URI1: variants seen among roughly 807,000 people sequenced by gnomAD.
URI1 encodes the protein URI1 prefoldin like chaperone.
A neutral mutation model predicts 60.2 loss-of-function variants in URI1; 39 were observed. That is an observed-to-expected ratio of 0.65 (90% CI 0.50 to 0.85). URI1 has a LOEUF of 0.85. URI1 is among the 40% of genes least tolerant of loss of function. The pLI is 0.00. For synonymous variants in URI1, 251 were observed against 236.8 expected (o/e 1.06, Z -0.55); for missense variants, 691 against 665.9 (o/e 1.04, Z -0.42).
At position 30,011,252 on chromosome 19, in the gene URI1, A is replaced by G; in HGVS notation, c.1178+16A>G. On this transcript the variant is annotated intron_variant, in intron 9 of 10. Transcript: ENST00000392271. Reference sequence around the variant, plus strand: ...ACATTTACAGGTGGGAGGCGCTCACAGCTGCAGGGCAGTCTGCTGGGCTTG... The same window carrying G: ...ACATTTACAGGTGGGAGGCGCTCACGGCTGCAGGGCAGTCTGCTGGGCTTG... The G allele has an allele frequency of 6.3e-7, 1 of 1,590,732 alleles. No homozygotes were observed. Among genetic ancestry groups the G allele is most frequent in the Non-Finnish European group, 8.5e-7 (1 of 1,172,560 alleles).
intron 1 of URI1, among the ~76,000 whole-genome samples, chr19:29,963,027 C>T (rs934799435): frequency 6.6e-6 from 1 of 152,178 alleles, no homozygotes; most frequent in Non-Finnish European, 1.5e-5. Context: ...CCTCCGCCTA[C>T]CCCCAGCTGC....
Position 30,015,716 on chromosome 19 carries a change from G to C in URI1, c.*647G>C. The C allele has an allele frequency of 1.2e-6, 1 of 831,144 alleles. No individual in the cohort carries two copies. Among genetic ancestry groups the C allele is most frequent in the South Asian group, 1.8e-5 (1 of 55,310 alleles). 51.5% of individuals were successfully genotyped at this position (831,144 alleles called of 1,614,324 possible). On this transcript the variant is annotated 3_prime_UTR_variant, in exon 11 of 11. Coordinates refer to ENST00000392271, the MANE Select transcript of URI1 (RefSeq NM_003796.3). The stretch of plus-strand genomic sequence containing the variant: ...TGAAACTTGGTCTCAAAAATGTTGT[G>C]AACTTTATGATTCAAAATTGAGTAC...
At chr19:29,924,741 C>T (rs544287118) in intron 1 of URI1, among the ~76,000 whole-genome samples, 29 of 152,240 alleles carry the variant, frequency 1.9e-4, no homozygotes, top group Non-Finnish European at 4.0e-4. Flanking sequence ...CTGTGAGAGC[C>T]GGGGTGGGGC....
At chr19:29,934,579 A>C (rs1599648844) in intron 1 of URI1, among the ~76,000 whole-genome samples, 1 of 152,196 alleles carries the variant, frequency 6.6e-6, no homozygotes, top group African/African-American at 2.4e-5. Context: ...TCTGTAGCCC[A>C]GGCTGTAGTG....
chr19:30,015,624 G>A lies in URI1; in HGVS notation c.*555G>A. 6.8e-7 allele frequency: 1 copy of A among 1,479,718 alleles called. No homozygotes were observed. Among genetic ancestry groups the A allele is most frequent in the Non-Finnish European group, 9.0e-7 (1 of 1,113,656 alleles). 91.7% of individuals were successfully genotyped at this position (1,479,718 alleles called of 1,614,324 possible). A position where few individuals can be genotyped will look rare whatever the true frequency, so the allele number is the denominator to read the frequency against. On this transcript the variant is annotated 3_prime_UTR_variant, in exon 11 of 11. Transcript: ENST00000392271. ...AGGAAGAAAGCTACATGAATTAATT[G>A]TACTCTATGGGAAAATTTCTTTGGA...
Position 30,015,703 on chromosome 19 carries a change from T to A in URI1, c.*634T>A. ...AGTAAAAACTTTATGAAACTTGGTC[T>A]CAAAAATGTTGTGAACTTTATGATT... On this transcript the variant is annotated 3_prime_UTR_variant, in exon 11 of 11. Coordinates refer to ENST00000392271, the MANE Select transcript of URI1 (RefSeq NM_003796.3). 1.0e-6 allele frequency: 1 copy of A among 973,082 alleles called. No homozygotes were observed. Among genetic ancestry groups the A allele is most frequent in the Non-Finnish European group, 1.5e-6 (1 of 668,088 alleles). 60.3% of individuals were successfully genotyped at this position (973,082 alleles called of 1,614,324 possible). A position where few individuals can be genotyped will look rare whatever the true frequency, so the allele number is the denominator to read the frequency against.
intron 9 of URI1, 125 bp downstream of exon 9, chr19:30,011,361 G>GC: frequency 6.2e-6 from 8 of 1,281,028 alleles, no homozygotes; most frequent in East Asian, 2.8e-5. Flanking sequence ...GTGTTCTGAG[G>GC]AGTTAACTTA....
chr19:29,990,787 AT>A (rs2055736519), intron 4 of URI1, among the ~76,000 whole-genome samples: 1 of 152,198 alleles, frequency 6.6e-6, no homozygotes, highest in Non-Finnish European at 1.5e-5. Flanking sequence ...AAAAATACAG[AT>A]TTTGGTAATG....
chr19:30,009,117 C>A lies in URI1; in HGVS notation c.799C>A (p.Pro267Thr). ...AMHQVTDSHT[P>T]CHKDVASSEP... ...GCATCAAGTAACAGACTCTCATACT[C>A]CTTGTCATAAGGATGTTGCAAGTTC... Residue 267 changes from proline to threonine, a missense_variant, in exon 8 of 11, where the codon CCT (proline) becomes ACT (threonine). Pro to Thr is a conservative substitution (Grantham distance 38, BLOSUM62 -1). Transcript: ENST00000392271. 1 of 1,613,698 alleles carries A rather than the reference C, an allele frequency of 6.2e-7. No homozygotes were observed. The highest frequency in any genetic ancestry group is 8.5e-7 in the Non-Finnish European group (1 of 1,179,692).
At chr19:29,972,488 T>C (rs184637633) in intron 2 of URI1, among the ~76,000 whole-genome samples, 63 of 152,248 alleles carry the variant, frequency 4.1e-4, no homozygotes, top group Non-Finnish European at 1.5e-4. Context: ...TTCTGTCTAT[T>C]GGTTTTGGTA....
At chr19:29,961,950 G>A (rs1460772331) in intron 1 of URI1, among the ~76,000 whole-genome samples, 1 of 152,166 alleles carries the variant, frequency 6.6e-6, no homozygotes, top group Admixed American at 6.5e-5. Flanking sequence ...CTCCCAAAGT[G>A]CTGGGATTAC....
At chr19:29,989,726 C>T (rs1456250434) in intron 4 of URI1, among the ~76,000 whole-genome samples, 12 of 151,684 alleles carry the variant, frequency 7.9e-5, no homozygotes, top group Non-Finnish European at 8.8e-5. Context: ...TATGAGCCAC[C>T]GCACCCCGCT....
intron 4 of URI1, among the ~76,000 whole-genome samples, chr19:29,999,907 T>C (rs2055856849): frequency 6.6e-6 from 1 of 151,990 alleles, no homozygotes; most frequent in Non-Finnish European, 1.5e-5. Flanking sequence ...TTACTTTCTG[T>C]TTTTGGCTAT....
chr19:29,945,762 G>A (rs1331745704), intron 1 of URI1, among the ~76,000 whole-genome samples: 2 of 151,836 alleles, frequency 1.3e-5, no homozygotes, highest in Non-Finnish European at 2.9e-5. Context: ...TTCCAGTTAC[G>A]TTTATATAAA....
chr19:29,942,700 C>A, intron 1 of URI1, 36 bp downstream of exon 1: 1 of 1,363,620 alleles, frequency 7.3e-7, no homozygotes, highest in Non-Finnish European at 9.4e-7. Context: ...CGCCTCCGCC[C>A]GCCGGGCTGC....
Position 29,995,181 on chromosome 19 carries a change from A to G in URI1, c.367+8764A>G, listed in dbSNP as rs138703424. 7.6e-4 allele frequency among the ~76,000 whole-genome samples: 115 copies of G among 152,266 alleles called. 2 individuals are homozygous for G. The East Asian group carries it at 0.019, about 25-fold the overall frequency. ...AATACAAGGAATCCAGTTTTCCCAC[A>G]TTCTTGTCAACACTTGTTACTATAT... is the stretch of plus-strand genomic sequence containing the variant. On this transcript the variant is annotated intron_variant, in intron 4 of 10. Transcript: ENST00000392271.
intron 4 of URI1, among the ~76,000 whole-genome samples, chr19:29,997,674 T>C (rs2055829438): frequency 6.6e-6 from 1 of 152,164 alleles, no homozygotes; most frequent in Admixed American, 6.5e-5. Flanking sequence ...TTGATGTAGG[T>C]ATTTACAGCT....
chr19:29,983,043 GT>G (rs1201145880), intron 2 of URI1, among the ~76,000 whole-genome samples: 2 of 152,116 alleles, frequency 1.3e-5, no homozygotes, highest in African/African-American at 2.4e-5. Flanking sequence ...TGTGCATGAA[GT>G]TTTTTTGCCA....
intron 4 of URI1, among the ~76,000 whole-genome samples, chr19:29,999,916 A>G (rs939785967): frequency 1.3e-5 from 2 of 149,774 alleles, no homozygotes; most frequent in Non-Finnish European, 3.0e-5. Flanking sequence ...GTTTTTGGCT[A>G]TTTTTACTCT....
Sources: allele counts gnomAD v4.1 joint callset (sites outside exome capture counted in the v4.1 genomes callset), GRCh38; gene constraint gnomAD v4.1.1; transcripts MANE v1.5; gene names NCBI Gene and HGNC (gene_info 2026-07-23, HGNC 2026-07-21).